Variants in TNRC6B observed in about 807,000 individuals in gnomAD.
TNRC6B encodes the protein trinucleotide repeat-containing gene 6B protein.
In TNRC6B, 52 loss-of-function variants were observed where a neutral mutation model predicts 203.6. The observed-to-expected ratio is 0.26, with a 90% confidence interval of 0.20 to 0.32. The LOEUF is 0.32. Among genes scored for constraint, TNRC6B ranks in the 10% least tolerant of loss-of-function variants. The pLI, the probability that TNRC6B is intolerant of heterozygous loss-of-function variation, is 1.00. For synonymous variants in TNRC6B, 838 were observed against 845.7 expected, an observed-to-expected ratio of 0.99 and a Z score of 0.16; for missense variants, 1,923 against 2,286.2, an observed-to-expected ratio of 0.84 and a Z score of 3.24.
At chr22:40,317,045 C>A (rs956700856) in intron 21 of TNRC6B, among the ~76,000 whole-genome samples, 1 of 152,084 alleles carries the variant, frequency 6.6e-6, no homozygotes, top group Non-Finnish European at 1.5e-5. Flanking sequence ...TAAGGACACC[C>A]AAAAGCTACC....
chr22:40,145,040 T>C (rs1221186015), intron 3 of TNRC6B, among the ~76,000 whole-genome samples: 3 of 128,414 alleles, frequency 2.3e-5, no homozygotes, highest in African/African-American at 9.7e-5. Flanking sequence ...CAGACCAGCC[T>C]GGGCAGAGAG....
rs1282694632 is a variant in TNRC6B, at chr22:40,132,969, A to AAATATAT, written c.45+7108_45+7109insATATATA. Among the ~76,000 whole-genome samples the AAATATAT allele has an allele frequency of 3.7e-3, 291 of 78,138 alleles. 3 individuals carry two copies. The highest frequency in any genetic ancestry group is 4.7e-3 in the Non-Finnish European group (179 of 37,856). 51.3% of individuals were successfully genotyped at this position (78,138 alleles called of 152,430 possible). On this transcript the variant is annotated intron_variant, in intron 3 of 23. Coordinates refer to the TNRC6B transcript ENST00000301923. ...AAAAAAAAAAAAAAAAAAAAAAAAA[A>AAATATAT]ATATATATATATATATATATATTCT...
Position 40,277,569 on chromosome 22 carries a change from T to A in TNRC6B, c.3216+418T>A, listed in dbSNP as rs868707990. 1.2e-4 allele frequency among the ~76,000 whole-genome samples: 18 copies of A among 152,344 alleles called. No homozygotes were observed. In the Middle Eastern group the frequency reaches 0.014, roughly 115 times the overall value. On this transcript the variant is annotated intron_variant, in intron 8 of 22. Coordinates refer to ENST00000454349, the MANE Select transcript of TNRC6B (RefSeq NM_001162501.2). ...TGATTTCTTTATCTCTCGGCAACGT[T>A]GTGGGGACACCCTGTCCCTGGTTGC...
At chr22:40,267,454 C>A (rs2070497238) in intron 5 of TNRC6B, among the ~76,000 whole-genome samples, 1 of 152,190 alleles carries the variant, frequency 6.6e-6, no homozygotes, top group Admixed American at 6.5e-5. Context: ...GGAAATAATT[C>A]TGTGTTTTTC....
intron 3 of TNRC6B, among the ~76,000 whole-genome samples, chr22:40,139,941 G>A (rs2068631641): frequency 1.3e-5 from 2 of 152,114 alleles, no homozygotes; most frequent in Admixed American, 1.3e-4. Flanking sequence ...ACTTGTTATT[G>A]TCATCCAAAA....
chr22:40,240,393 C>T (rs973008792), intron 1 of TNRC6B, among the ~76,000 whole-genome samples: 3 of 152,280 alleles, frequency 2.0e-5, no homozygotes, highest in East Asian at 1.9e-4. Flanking sequence ...GACAATGCTT[C>T]GTAACCTTTT....
chr22:40,161,804 G>C (rs1384677684), intron 4 of TNRC6B, among the ~76,000 whole-genome samples: 2 of 152,146 alleles, frequency 1.3e-5, no homozygotes, highest in African/African-American at 4.8e-5. Flanking sequence ...TATTGTCTTT[G>C]AGAATTATAT....
intron 1 of TNRC6B, among the ~76,000 whole-genome samples, chr22:40,217,843 C>T (rs538356585): frequency 7.2e-4 from 110 of 151,874 alleles, no homozygotes; most frequent in African/African-American, 2.6e-3. Flanking sequence ...GGCCTGGTTT[C>T]GTGTGCCTGT....
Position 40,333,736 on chromosome 22 carries a change from C to T in TNRC6B, c.*10495C>T, listed in dbSNP as rs1257001624. On this transcript the variant is annotated 3_prime_UTR_variant, in exon 23 of 23. Transcript: ENST00000454349. ...AAGCCATGTGCATCCTCACCTCTTC[C>T]ATTACCCCCTCCATGAGCTCGAAGC... 1.3e-5 allele frequency: 2 copies of T among 152,628 alleles called. No individual in the cohort carries two copies. Among genetic ancestry groups the T allele is most frequent in the Non-Finnish European group, 2.9e-5 (2 of 68,042 alleles). 9.5% of individuals were successfully genotyped at this position (152,628 alleles called of 1,614,324 possible).
intron 20 of TNRC6B, 79 bp from the exon 21 acceptor site, chr22:40,315,863 C>T: frequency 1.9e-6 from 2 of 1,071,756 alleles, no homozygotes; most frequent in Non-Finnish European, 2.8e-6. Context: ...ATGTGAGCTA[C>T]ATGAAAATCT....
At chr22:40,139,325 ATTT>A (rs562172960) in intron 3 of TNRC6B, among the ~76,000 whole-genome samples, 14 of 120,600 alleles carry the variant, frequency 1.2e-4, no homozygotes, top group African/African-American at 1.8e-4. Context: ...GGGTGTACGC[ATTT>A]TTTTTTTTTT....
chr22:40,318,488 A>T (rs2071290345), intron 21 of TNRC6B, among the ~76,000 whole-genome samples: 1 of 152,062 alleles, frequency 6.6e-6, no homozygotes, highest in Non-Finnish European at 1.5e-5. Context: ...CGGAGCTTGG[A>T]GTGAGCCGAG....
Position 40,266,354 on chromosome 22 carries a change from C to A in TNRC6B, c.2124C>A (p.Asn708Lys). ...WNDYKNNNSS[N>K]WGGGRPDEKT... ...ACTACAAGAACAACAACTCTTCCAA[C>A]TGGGGAGGAGGACGACCTGATGAAA... The change falls in exon 5 of 23, where the codon AAC becomes AAA. Residue 708 changes from asparagine to lysine, a missense_variant. Physicochemically the swap from Asn to Lys is moderately conservative, Grantham distance 94. This residue lies in a region of TNRC6B where 599 missense variants were observed against 656.5 expected (regional missense o/e 0.91). Coordinates refer to ENST00000454349, the MANE Select transcript of TNRC6B (RefSeq NM_001162501.2). The A allele has an allele frequency of 6.2e-7, 1 of 1,610,806 alleles. No homozygotes were observed. Among genetic ancestry groups the A allele is most frequent in the Non-Finnish European group, 8.5e-7 (1 of 1,178,432 alleles).
chr22:40,108,223 C>T (rs1009009384), intron 1 of TNRC6B, among the ~76,000 whole-genome samples: 1 of 152,140 alleles, frequency 6.6e-6, no homozygotes. Flanking sequence ...GAAAACCTGA[C>T]GTGGCCTCTA....
At chr22:40,271,950 CTT>C (rs1392363173) in intron 6 of TNRC6B, among the ~76,000 whole-genome samples, 5 of 149,680 alleles carry the variant, frequency 3.3e-5, no homozygotes, top group East Asian at 2.0e-4. Context: ...TTAGACCTCT[CTT>C]ATCTTTTCTG....
At chr22:40,051,508 A>C (rs1210254327) in intron 1 of TNRC6B, among the ~76,000 whole-genome samples, 1 of 152,328 alleles carries the variant, frequency 6.6e-6, no homozygotes, top group Admixed American at 6.5e-5. Context: ...GCCTGTTGAC[A>C]TTGACAACTG....
chr22:40,164,388 T>TA (rs34013375), intron 4 of TNRC6B, among the ~76,000 whole-genome samples: 2,119 of 128,036 alleles, frequency 0.017, 26 homozygotes, highest in Non-Finnish European at 0.023. Context: ...ACTCTGCCTT[T>TA]AAAAAAAAAA....
rs925643817 is a variant in TNRC6B, at chr22:40,256,571, C to G, written c.116-5261C>G. Among the ~76,000 whole-genome samples, 10 of 152,314 alleles carry G rather than the reference C, an allele frequency of 6.6e-5. 1 individual carries two copies. The South Asian group carries it at 1.0e-3, about 16-fold the overall frequency. On this transcript the variant is annotated intron_variant, in intron 3 of 22. Transcript: ENST00000454349. Reference sequence around the variant, plus strand: ...AAAATGACAGGAAATTCATATTTCACTGTCCGTAAATAAAGTTTTATGGGA... The same window carrying G: ...AAAATGACAGGAAATTCATATTTCAGTGTCCGTAAATAAAGTTTTATGGGA...
chr22:40,212,831 G>A (rs951461718), intron 1 of TNRC6B, among the ~76,000 whole-genome samples: 1 of 152,070 alleles, frequency 6.6e-6, no homozygotes, highest in African/African-American at 2.4e-5. Context: ...TGTATTTTTA[G>A]TAGAGACGGA....
Sources: allele counts gnomAD v4.1 joint callset (sites outside exome capture counted in the v4.1 genomes callset), GRCh38; gene constraint gnomAD v4.1.1; regional missense constraint gnomAD v4.1.1; transcripts MANE v1.5; gene names NCBI Gene and HGNC (gene_info 2026-07-23, HGNC 2026-07-21).